Variants in FAM53B observed in about 807,000 individuals in gnomAD.
The protein encoded by FAM53B is family with sequence similarity 53 member B, also known as protein FAM53B.
In FAM53B, 12 loss-of-function variants were observed where a neutral mutation model predicts 32.7. The ratio of observed to expected loss-of-function variants is 0.37; its 90% confidence interval spans 0.24 to 0.59. The LOEUF is 0.59. Among genes scored for constraint, FAM53B ranks in the 20% least tolerant of loss-of-function variants. FAM53B has a pLI of 0.72. For synonymous variants in FAM53B, 234 were observed against 228.7 expected (o/e 1.02, Z -0.21); for missense variants, 477 against 577.7 (o/e 0.83, Z 1.79).
At chr10:124,713,741 G>T (rs2363338) in intron 1 of FAM53B, 151,612 of 152,386 alleles carry the variant, frequency 0.99, 75,428 homozygotes, top group East Asian at 1. Context: ...TAGCCTGTAC[G>T]TACTACTTGC....
chr10:124,657,157 T>C (rs1340774201), intron 4 of FAM53B, among the ~76,000 whole-genome samples: 2 of 108,626 alleles, frequency 1.8e-5, no homozygotes. Context: ...TGTGTATATA[T>C]GTGTGTATAT....
At chr10:124,645,446 G>A (rs1432064826) in intron 4 of FAM53B, among the ~76,000 whole-genome samples, 6 of 152,132 alleles carry the variant, frequency 3.9e-5, no homozygotes, top group South Asian at 2.1e-4. Context: ...GGCCCACGCC[G>A]GCAGCATTCC....
chr10:124,735,073 A>G (rs557741990), intron 1 of FAM53B, among the ~76,000 whole-genome samples: 1 of 152,296 alleles, frequency 6.6e-6, no homozygotes, highest in East Asian at 1.9e-4. Flanking sequence ...CTGCAACCAC[A>G]TAACCCGCAC....
chr10:124,630,785 A>G (rs1331347440), intron 4 of FAM53B, among the ~76,000 whole-genome samples: 1 of 152,192 alleles, frequency 6.6e-6, no homozygotes, highest in Admixed American at 6.5e-5. Flanking sequence ...CCTTCCTGTG[A>G]CAGTTTCCTT....
intron 4 of FAM53B, among the ~76,000 whole-genome samples, chr10:124,657,077 T>C (rs1480901544): frequency 7.4e-6 from 1 of 135,746 alleles, no homozygotes; most frequent in East Asian, 2.2e-4. Flanking sequence ...TATATGTATA[T>C]ATATGTGTGT....
At position 124,733,605 on chromosome 10, in the gene FAM53B, C is replaced by T. The variant is rs555448503; in HGVS notation, c.-175+10408G>A. ...AGAACTTTGACTTCTTTAGTTCCAG[C>T]GCAGCACAGACAAGAAGTTCTGGAA... On this transcript the variant is annotated intron_variant, in intron 1 of 4. Coordinates refer to ENST00000337318, the MANE Select transcript of FAM53B (RefSeq NM_014661.4). This position sits in a 1 kb window ranked among gnomAD's most constrained non-coding sequence, Gnocchi z 4.3. Among the ~76,000 whole-genome samples the T allele has an allele frequency of 1.3e-3, 192 of 152,316 alleles. No individual in the cohort carries two copies. Among genetic ancestry groups the T allele is most frequent in the African/African-American group, 4.4e-3 (183 of 41,568 alleles).
At chr10:124,628,931 G>A (rs553216192) in intron 4 of FAM53B, among the ~76,000 whole-genome samples, 2 of 152,298 alleles carry the variant, frequency 1.3e-5, no homozygotes, top group Admixed American at 1.3e-4. Context: ...GGCTTCCCTC[G>A]CCTCCCTGAA....
At chr10:124,709,700 A>G (rs1327154584) in intron 1 of FAM53B, among the ~76,000 whole-genome samples, 2 of 152,246 alleles carry the variant, frequency 1.3e-5, no homozygotes, top group Non-Finnish European at 2.9e-5. Flanking sequence ...AGGGAATACC[A>G]TGTGGCCTTC....
intron 1 of FAM53B, among the ~76,000 whole-genome samples, chr10:124,743,591 C>T (rs953300839): frequency 6.6e-6 from 1 of 152,202 alleles, no homozygotes; most frequent in African/African-American, 2.4e-5. Context: ...GCGAATGGGG[C>T]CGCCCGGCTC....
chr10:124,714,469 G>C (rs2134091915), intron 1 of FAM53B, among the ~76,000 whole-genome samples: 1 of 152,240 alleles, frequency 6.6e-6, no homozygotes, highest in South Asian at 2.1e-4. Flanking sequence ...AAGAGGCAAA[G>C]AAAACCTCTT....
intron 4 of FAM53B, among the ~76,000 whole-genome samples, chr10:124,624,647 G>C (rs552873523): frequency 2.0e-5 from 3 of 152,172 alleles, no homozygotes; most frequent in Non-Finnish European, 4.4e-5. Flanking sequence ...GGGCCTGCCC[G>C]AGCGGCAGGC....
chr10:124,677,920 C>T (rs769556427), intron 4 of FAM53B, among the ~76,000 whole-genome samples: 1 of 152,142 alleles, frequency 6.6e-6, no homozygotes, highest in Non-Finnish European at 1.5e-5. Context: ...GGGGGTGAAT[C>T]CAATTGTCAC....
rs139851724 is a variant in FAM53B, at chr10:124,693,171, C to T, written c.133+2987G>A. Among the ~76,000 whole-genome samples, 44 of 152,264 alleles carry T rather than the reference C, an allele frequency of 2.9e-4. No homozygotes were observed. In the East Asian group the frequency reaches 8.5e-3, roughly 29 times the overall value. ...CGGCCCCTCAGAGTATTCTCTTCCCCACTGTTGAAAAGCAGGCACGCCGGG... is the reference window on the plus strand; with the variant it reads ...CGGCCCCTCAGAGTATTCTCTTCCCTACTGTTGAAAAGCAGGCACGCCGGG... On this transcript the variant is annotated intron_variant, in intron 3 of 4. Coordinates refer to ENST00000337318, the MANE Select transcript of FAM53B (RefSeq NM_014661.4).
chr10:124,686,888 C>T (rs1271468955), intron 3 of FAM53B, among the ~76,000 whole-genome samples: 1 of 152,258 alleles, frequency 6.6e-6, no homozygotes, highest in Non-Finnish European at 1.5e-5. Context: ...GTCTGCCCTA[C>T]CTGGGCCATG....
intron 1 of FAM53B, among the ~76,000 whole-genome samples, chr10:124,735,661 C>T (rs1950169091): frequency 6.6e-6 from 1 of 152,266 alleles, no homozygotes; most frequent in African/African-American, 2.4e-5. Flanking sequence ...CTTCCAGCCT[C>T]CCTTCAGTCC....
chr10:124,669,983 C>T (rs1226921712), intron 4 of FAM53B, among the ~76,000 whole-genome samples: 1 of 152,014 alleles, frequency 6.6e-6, no homozygotes, highest in Non-Finnish European at 1.5e-5. Flanking sequence ...GTGAGGACCA[C>T]ACACCCGAGG....
intron 1 of FAM53B, among the ~76,000 whole-genome samples, chr10:124,743,376 G>T (rs1446805630): frequency 6.6e-6 from 1 of 152,174 alleles, no homozygotes; most frequent in Non-Finnish European, 1.5e-5. Context: ...ACGCCGGCGC[G>T]GACGCCCCCA....
chr10:124,630,335 G>A (rs1368175873), intron 4 of FAM53B, among the ~76,000 whole-genome samples: 3 of 152,186 alleles, frequency 2.0e-5, no homozygotes, highest in Non-Finnish European at 4.4e-5. Flanking sequence ...GATCACTGAA[G>A]CCCAGGTGGC....
chr10:124,700,424 C>T (rs1324161814), intron 2 of FAM53B, among the ~76,000 whole-genome samples: 3 of 152,294 alleles, frequency 2.0e-5, no homozygotes, highest in Admixed American at 2.0e-4. Context: ...CACTCAGTGT[C>T]TGCACTCTGC....
Sources: gnomAD v4.1 joint callset for allele counts (sites outside exome capture counted in the v4.1 genomes callset) on GRCh38, gnomAD v4.1.1 for gene constraint, Gnocchi (gnomAD v3.1) non-coding constraint, MANE v1.5 for transcripts, NCBI Gene and HGNC (gene_info 2026-07-23, HGNC 2026-07-21) for gene names.